Variants in AGPAT5 observed in about 807,000 individuals in gnomAD.
AGPAT5 encodes the protein 1-acyl-sn-glycerol-3-phosphate acyltransferase epsilon.
AGPAT5 carries 46 observed loss-of-function variants against 45.6 expected under a neutral mutation model. The observed-to-expected ratio is 1.01, with a 90% confidence interval of 0.80 to 1.29. The LOEUF (loss-of-function observed/expected upper bound fraction) is 1.29, where lower values mean the gene tolerates loss of function less well. Among genes scored for constraint, AGPAT5 ranks in the 50% most tolerant of loss-of-function variants. AGPAT5 has a pLI of 0.00. For synonymous variants in AGPAT5, 272 were observed against 167.0 expected (o/e 1.63, Z -4.85); for missense variants, 673 against 450.7 (o/e 1.49, Z -4.47).
chr8:6,734,834 C>G (rs1465906097), intron 4 of AGPAT5, among the ~76,000 whole-genome samples: 1 of 152,032 alleles, frequency 6.6e-6, no homozygotes, highest in East Asian at 1.9e-4. Context: ...TGTGCTTTTT[C>G]TCACAGCTTC....
chr8:6,751,996 G>T (rs908399051), intron 6 of AGPAT5, among the ~76,000 whole-genome samples: 1 of 151,864 alleles, frequency 6.6e-6, no homozygotes, highest in Admixed American at 6.6e-5. Flanking sequence ...GACCAACACG[G>T]TGAAATCCCA....
chr8:6,732,689 C>T (rs1800906553), intron 4 of AGPAT5, 39 bp downstream of exon 4: 1 of 1,462,010 alleles, frequency 6.8e-7, no homozygotes, highest in Non-Finnish European at 9.3e-7. Context: ...TACCAGCTCT[C>T]AGTTTCTAAA....
At chr8:6,733,071 A>G (rs1473949616) in intron 4 of AGPAT5, among the ~76,000 whole-genome samples, 1 of 152,242 alleles carries the variant, frequency 6.6e-6, no homozygotes, top group Non-Finnish European at 1.5e-5. Context: ...GAAAAACCAA[A>G]AAAGGATGAA....
intron 4 of AGPAT5, among the ~76,000 whole-genome samples, chr8:6,737,211 C>A (rs769507739): frequency 6.6e-6 from 1 of 152,130 alleles, no homozygotes; most frequent in Non-Finnish European, 1.5e-5. Context: ...GGTCACTGTC[C>A]CAGGTCGGGT....
rs1490493709 is a variant in AGPAT5 at position 6,761,151 on chromosome 8, T to C, written c.*3763T>C. 2.0e-5 allele frequency among the ~76,000 whole-genome samples: 3 copies of C among 152,180 alleles called. No individual in the cohort carries two copies. The highest frequency in any genetic ancestry group is 2.0e-4 in the Admixed American group (3 of 15,280). ...AAAAGGTTATTTTTAGGAAAACCAC[T>C]TCAAATAGAAAGCTGAAGTACTTCT... On this transcript the variant is annotated 3_prime_UTR_variant, in exon 8 of 8. Coordinates refer to ENST00000285518, the MANE Select transcript of AGPAT5 (RefSeq NM_018361.5).
At chr8:6,713,383 C>G (rs1800218710) in intron 1 of AGPAT5, among the ~76,000 whole-genome samples, 1 of 152,130 alleles carries the variant, frequency 6.6e-6, no homozygotes, top group East Asian at 1.9e-4. Flanking sequence ...TCCCCCTTCT[C>G]CAAATGCTAA....
chr8:6,738,593 C>T (rs143158683), intron 4 of AGPAT5: 9 of 152,180 alleles, frequency 5.9e-5, no homozygotes, highest in African/African-American at 2.2e-4. Flanking sequence ...TAGACTTGCT[C>T]GATGCAGGGT....
At chr8:6,713,744 G>T (rs1456569994) in intron 1 of AGPAT5, among the ~76,000 whole-genome samples, 1 of 151,736 alleles carries the variant, frequency 6.6e-6, no homozygotes, top group Non-Finnish European at 1.5e-5. Context: ...ATTTTTTAGT[G>T]GGGGTAGAGA....
intron 5 of AGPAT5, chr8:6,746,166 C>G (rs944714672): frequency 2.6e-5 from 4 of 152,238 alleles, no homozygotes; most frequent in African/African-American, 9.7e-5. Flanking sequence ...TACAGACATA[C>G]ACGTGCCACC....
intron 1 of AGPAT5, among the ~76,000 whole-genome samples, chr8:6,712,917 C>G (rs1017263643): frequency 6.6e-6 from 1 of 151,894 alleles, no homozygotes; most frequent in East Asian, 1.9e-4. Flanking sequence ...ATTTCTTTTC[C>G]CCCATTCCTA....
intron 5 of AGPAT5, among the ~76,000 whole-genome samples, chr8:6,742,946 A>G (rs764795663): frequency 5.9e-5 from 9 of 151,746 alleles, no homozygotes; most frequent in Non-Finnish European, 8.8e-5. Flanking sequence ...TTGCAATGCC[A>G]TTGTCTCTTT....
intron 2 of AGPAT5, among the ~76,000 whole-genome samples, chr8:6,730,022 A>G (rs1022915902): frequency 2.0e-5 from 3 of 152,118 alleles, no homozygotes; most frequent in Admixed American, 1.3e-4. Flanking sequence ...GAACATATAT[A>G]TACACACTGA....
At chr8:6,732,781 G>C (rs2116903259) in intron 4 of AGPAT5, 131 bp downstream of exon 4, 1 of 836,746 alleles carries the variant, frequency 1.2e-6, no homozygotes, top group Non-Finnish European at 1.8e-6. Context: ...GTTATGCTGA[G>C]GTAACAGAAA....
At chr8:6,738,365 C>G (rs981547301) in intron 4 of AGPAT5, 1 of 152,180 alleles carries the variant, frequency 6.6e-6, no homozygotes, top group African/African-American at 2.4e-5. Context: ...GACAGGAGAA[C>G]AGGCCATCAT....
chr8:6,741,954 A>C (rs1004756050), intron 5 of AGPAT5, among the ~76,000 whole-genome samples: 1 of 152,158 alleles, frequency 6.6e-6, no homozygotes, highest in Non-Finnish European at 1.5e-5. Flanking sequence ...ATATCTGAGA[A>C]ATTAAGTTGA....
chr8:6,747,861 CACGGT>C, intron 6 of AGPAT5, 33 bp downstream of exon 6: 1 of 1,610,354 alleles, frequency 6.2e-7, no homozygotes, highest in Non-Finnish European at 8.5e-7. Context: ...AATGCCTGTA[CACGGT>C]ATATACAGTG....
intron 1 of AGPAT5, among the ~76,000 whole-genome samples, chr8:6,716,493 A>G (rs1216885320): frequency 2.0e-5 from 3 of 151,946 alleles, no homozygotes; most frequent in Non-Finnish European, 2.9e-5. Context: ...CATGGGAGGT[A>G]GAGGCTCCAG....
At chr8:6,756,683 A>G (rs530107957) in intron 7 of AGPAT5, among the ~76,000 whole-genome samples, 57 of 151,246 alleles carry the variant, frequency 3.8e-4, no homozygotes, top group Non-Finnish European at 7.4e-4. Context: ...TTATTCATAT[A>G]TCAGGGACTT....
intron 4 of AGPAT5, among the ~76,000 whole-genome samples, chr8:6,737,238 G>C (rs1801085302): frequency 6.6e-6 from 1 of 152,148 alleles, no homozygotes; most frequent in Non-Finnish European, 1.5e-5. Context: ...GAATCTGGAT[G>C]GTTGTTTCAT....
Sources: allele counts gnomAD v4.1 joint callset (sites outside exome capture counted in the v4.1 genomes callset), GRCh38; gene constraint gnomAD v4.1.1; transcripts MANE v1.5; gene names NCBI Gene and HGNC (gene_info 2026-07-23, HGNC 2026-07-21).